Variants in ATRNL1 observed in about 807,000 individuals in gnomAD.
The protein encoded by ATRNL1 is attractin like 1.
In ATRNL1, 95 loss-of-function variants were observed where a neutral mutation model predicts 182.7. That is an observed-to-expected ratio of 0.52 (90% CI 0.44 to 0.62). The LOEUF (loss-of-function observed/expected upper bound fraction) is 0.62. ATRNL1 is among the 20% of genes least tolerant of loss of function. The pLI is 0.00. For missense variants in ATRNL1, 1,471 were observed against 1,679.5 expected, an observed-to-expected ratio of 0.88 and a Z score of 2.17; for synonymous variants, 576 against 568.3, an observed-to-expected ratio of 1.01 and a Z score of -0.19.
At chr10:115,319,646 T>C (rs782786616) in intron 18 of ATRNL1, among the ~76,000 whole-genome samples, 1 of 152,148 alleles carries the variant, frequency 6.6e-6, no homozygotes, top group Non-Finnish European at 1.5e-5. Flanking sequence ...TAATGCCTTT[T>C]TTTTTGTCTT....
At chr10:115,403,652 A>C (rs1184910045) in intron 20 of ATRNL1, among the ~76,000 whole-genome samples, 1 of 152,082 alleles carries the variant, frequency 6.6e-6, no homozygotes, top group Non-Finnish European at 1.5e-5. Context: ...ATGGGGTTTC[A>C]TGTTGGCCAA....
intron 24 of ATRNL1, among the ~76,000 whole-genome samples, chr10:115,508,357 A>G (rs115525187): frequency 0.026 from 4,017 of 152,070 alleles, 157 homozygotes; most frequent in African/African-American, 0.089. Flanking sequence ...TAATGCTACA[A>G]TTGCTTCCCA....
At chr10:115,423,604 T>G (rs981760445) in intron 20 of ATRNL1, among the ~76,000 whole-genome samples, 6 of 151,896 alleles carry the variant, frequency 4.0e-5, no homozygotes, top group African/African-American at 1.5e-4. Context: ...TGAAACAGAA[T>G]AAAGAACCCA....
At chr10:115,600,295 T>C (rs529037736) in intron 26 of ATRNL1, among the ~76,000 whole-genome samples, 2 of 152,302 alleles carry the variant, frequency 1.3e-5, no homozygotes, top group Non-Finnish European at 2.9e-5. Flanking sequence ...GATTTTACTG[T>C]AAATATGTTT....
chr10:115,545,864 A>C (rs1421394689), intron 25 of ATRNL1, among the ~76,000 whole-genome samples: 3 of 152,184 alleles, frequency 2.0e-5, no homozygotes, highest in African/African-American at 7.2e-5. Context: ...ATTGTTTTTA[A>C]CATTTTAGCT....
intron 8 of ATRNL1, among the ~76,000 whole-genome samples, chr10:115,181,898 T>C (rs1847761178): frequency 6.6e-6 from 1 of 151,634 alleles, no homozygotes. Context: ...GAAAGATCTT[T>C]CGCAGTAATT....
At chr10:115,395,167 T>C (rs1214319860) in intron 20 of ATRNL1, among the ~76,000 whole-genome samples, 1 of 151,912 alleles carries the variant, frequency 6.6e-6, no homozygotes, top group Non-Finnish European at 1.5e-5. Context: ...AATGTATCCA[T>C]GTGGCAGAGG....
chr10:115,185,602 T>C (rs376471215), intron 8 of ATRNL1, among the ~76,000 whole-genome samples: 19 of 152,124 alleles, frequency 1.2e-4, no homozygotes, highest in Middle Eastern at 6.8e-3. Flanking sequence ...CAGACTGTCA[T>C]AGCTGGAGTT....
At chr10:115,303,133 T>TG (rs397804401) in intron 17 of ATRNL1, among the ~76,000 whole-genome samples, 3 of 151,510 alleles carry the variant, frequency 2.0e-5, no homozygotes, top group Non-Finnish European at 4.4e-5. Context: ...CTTTTTTTTT[T>TG]GAATAATATA....
intron 25 of ATRNL1, among the ~76,000 whole-genome samples, chr10:115,537,696 C>T (rs868980938): frequency 5.0e-5 from 3 of 59,758 alleles, no homozygotes; most frequent in Non-Finnish European, 1.2e-4. Context: ...TTTTTTTGGT[C>T]CTTATTGTTT....
chr10:115,306,541 TG>T (rs1241489045), intron 17 of ATRNL1, among the ~76,000 whole-genome samples: 1 of 152,234 alleles, frequency 6.6e-6, no homozygotes, highest in Non-Finnish European at 1.5e-5. Flanking sequence ...AGTTTTTCAT[TG>T]AAGAAAAGGA....
At chr10:115,426,439 A>C in intron 21 of ATRNL1, 137 bp downstream of exon 21, 2 of 582,322 alleles carry the variant, frequency 3.4e-6, no homozygotes, top group Non-Finnish European at 5.9e-6. Context: ...ATACAACTTT[A>C]CGTATATTGC....
chr10:115,315,113 A>C (rs56023747), intron 17 of ATRNL1, among the ~76,000 whole-genome samples: 1,828 of 152,312 alleles, frequency 0.012, 23 homozygotes, highest in Non-Finnish European at 0.018. Context: ...CACAGGCAGA[A>C]TACAGAGTTC....
At chr10:115,567,530 C>G (rs952486095) in intron 26 of ATRNL1, among the ~76,000 whole-genome samples, 4 of 152,024 alleles carry the variant, frequency 2.6e-5, no homozygotes, top group African/African-American at 9.7e-5. Context: ...CCAGGGATGG[C>G]ATGCATGCTA....
intron 19 of ATRNL1, among the ~76,000 whole-genome samples, chr10:115,367,924 G>T (rs1251042416): frequency 2.0e-5 from 3 of 150,840 alleles, no homozygotes; most frequent in East Asian, 3.9e-4. Context: ...TCTCTTCAAA[G>T]CTGTCAGACA....
At chr10:115,215,023 C>T (rs1308899211) in intron 8 of ATRNL1, among the ~76,000 whole-genome samples, 1 of 152,172 alleles carries the variant, frequency 6.6e-6, no homozygotes, top group Non-Finnish European at 1.5e-5. Context: ...CAGGGAATAC[C>T]TATTAAGCCA....
At chr10:115,390,922 G>C (rs1843985078) in intron 19 of ATRNL1, among the ~76,000 whole-genome samples, 1 of 152,086 alleles carries the variant, frequency 6.6e-6, no homozygotes, top group African/African-American at 2.4e-5. Context: ...GAATGGGATT[G>C]ATGTCTTAAT....
At chr10:115,732,425 T>A (rs1418888972) in intron 27 of ATRNL1, among the ~76,000 whole-genome samples, 1 of 152,236 alleles carries the variant, frequency 6.6e-6, no homozygotes, top group African/African-American at 2.4e-5. Flanking sequence ...CATCCAACTT[T>A]GTTCTTTTTA....
intron 26 of ATRNL1, among the ~76,000 whole-genome samples, chr10:115,686,314 A>G (rs1946218959): frequency 6.6e-6 from 1 of 151,974 alleles, no homozygotes; most frequent in Admixed American, 6.6e-5. Flanking sequence ...CCTTACAGCA[A>G]AAGACTCTGC....
Sources: gnomAD v4.1 joint callset for allele counts (sites outside exome capture counted in the v4.1 genomes callset) on GRCh38, gnomAD v4.1.1 for gene constraint, MANE v1.5 for transcripts, NCBI Gene and HGNC (gene_info 2026-07-23, HGNC 2026-07-21) for gene names.